Variants in DDT observed in about 807,000 individuals in gnomAD.
DDT encodes D-dopachrome tautomerase.
A neutral mutation model predicts 2.5 loss-of-function variants in DDT; 4 were observed. The observed-to-expected ratio is 1.59, with a 90% confidence interval of 0.78 to 3.63. The LOEUF is 3.63. DDT is among the 30% of genes most tolerant of loss of function. The pLI is 0.01. For missense variants in DDT, 32 were observed against 30.0 expected (o/e 1.07, Z -0.15); for synonymous variants, 11 against 10.0 (o/e 1.10, Z -0.19).
intron 2 of DDT, chr22:23,972,068 A>T: frequency 4.7e-6 from 3 of 645,110 alleles, no homozygotes; most frequent in Non-Finnish European, 5.8e-6. Flanking sequence ...CAGAGGTAAC[A>T]GCAAGTTTCC....
chr22:23,971,834 A>C, intron 2 of DDT: 2 of 581,862 alleles, frequency 3.4e-6, no homozygotes, highest in African/African-American at 1.9e-5. Flanking sequence ...GCACATCATG[A>C]CCCAGCTAGG....
Sources: gnomAD v4.1 joint callset for allele counts on GRCh38, gnomAD v4.1.1 for gene constraint, MANE v1.5 for transcripts, NCBI Gene and HGNC (gene_info 2026-07-23, HGNC 2026-07-21) for gene names.